Variants in RABGAP1L observed in about 807,000 individuals in gnomAD.
RABGAP1L encodes the protein rab GTPase-activating protein 1-like.
In RABGAP1L, 63 loss-of-function variants were observed where a neutral mutation model predicts 137.7. That is an observed-to-expected ratio of 0.46 (90% CI 0.37 to 0.56). RABGAP1L has a LOEUF of 0.56. RABGAP1L is among the 20% of genes least tolerant of loss of function. The pLI, the probability that RABGAP1L is intolerant of heterozygous loss-of-function variation, is 0.00. For missense variants in RABGAP1L, 1,095 were observed against 1,244.0 expected (o/e 0.88, Z 1.80); for synonymous variants, 431 against 433.7 (o/e 0.99, Z 0.08).
At position 174,438,093 on chromosome 1, in the gene RABGAP1L, C is replaced by T. The variant is rs75176627; in HGVS notation, c.1710+43948C>T. Among the ~76,000 whole-genome samples the T allele has an allele frequency of 8.0e-4, 121 of 152,164 alleles. 1 individual carries two copies. Among genetic ancestry groups the T allele is most frequent in the Middle Eastern group, 3.4e-3 (1 of 294 alleles). On this transcript the variant is annotated intron_variant, in intron 13 of 25. Coordinates refer to ENST00000681986, the MANE Select transcript of RABGAP1L (RefSeq NM_001366446.1). Reference sequence around the variant, plus strand: ...AGCACTAAACATGGAAAGGAACAACCGGTACCAGCCACTGCAAAAACATGC... The same window carrying T: ...AGCACTAAACATGGAAAGGAACAACTGGTACCAGCCACTGCAAAAACATGC...
intron 13 of RABGAP1L, among the ~76,000 whole-genome samples, chr1:174,508,018 A>G (rs1288152587): frequency 6.6e-6 from 1 of 152,148 alleles, no homozygotes; most frequent in Admixed American, 6.6e-5. Context: ...TTGATTTTCA[A>G]AAGAGTCTTA....
At chr1:174,769,024 C>G (rs1477842744) in intron 18 of RABGAP1L, among the ~76,000 whole-genome samples, 1 of 152,082 alleles carries the variant, frequency 6.6e-6, no homozygotes, top group Non-Finnish European at 1.5e-5. Flanking sequence ...ACTACTGTCA[C>G]CACCATTGTC....
At chr1:174,704,970 AGTATTTCATG>A (rs1679942743) in intron 17 of RABGAP1L, among the ~76,000 whole-genome samples, 1 of 152,210 alleles carries the variant, frequency 6.6e-6, no homozygotes, top group African/African-American at 2.4e-5. Context: ...AGCTGAGTTT[AGTATTTCATG>A]GTATTTCATA....
intron 13 of RABGAP1L, among the ~76,000 whole-genome samples, chr1:174,575,180 T>C (rs148694367): frequency 0.079 from 12,011 of 152,238 alleles, 661 homozygotes; most frequent in East Asian, 0.32. Flanking sequence ...TCCACCCACC[T>C]CGGCCTCCCA....
At chr1:174,292,708 G>A (rs544228697) in intron 10 of RABGAP1L, among the ~76,000 whole-genome samples, 4 of 152,032 alleles carry the variant, frequency 2.6e-5, no homozygotes, top group Non-Finnish European at 5.9e-5. Context: ...ACTTGTAAGG[G>A]ATGTGTGCTC....
At chr1:174,705,829 G>A (rs1439792050) in intron 17 of RABGAP1L, 1 of 152,026 alleles carries the variant, frequency 6.6e-6, no homozygotes. Flanking sequence ...TTTCATATGT[G>A]ATGACATATT....
chr1:174,590,494 TC>T (rs1158567024), intron 13 of RABGAP1L, among the ~76,000 whole-genome samples: 3 of 89,070 alleles, frequency 3.4e-5, no homozygotes, highest in African/African-American at 1.8e-4. Context: ...ATGCTATCCC[TC>T]CCCCCTCCCC....
At chr1:174,285,834 A>G (rs959017535) in intron 10 of RABGAP1L, among the ~76,000 whole-genome samples, 9 of 152,158 alleles carry the variant, frequency 5.9e-5, no homozygotes, top group Admixed American at 2.0e-4. Context: ...TTCTGAATCT[A>G]TTGAGAAGAT....
At chr1:174,879,101 T>G (rs1653701154) in intron 19 of RABGAP1L, among the ~76,000 whole-genome samples, 1 of 123,806 alleles carries the variant, frequency 8.1e-6, no homozygotes. Flanking sequence ...CGCCTGGCTG[T>G]TTTTTTTTTT....
intron 1 of RABGAP1L, among the ~76,000 whole-genome samples, chr1:174,195,735 C>CTTTCT (rs770571095): frequency 1.1e-3 from 131 of 115,914 alleles, no homozygotes; most frequent in African/African-American, 4.5e-3. Context: ...TCTTTCTTTT[C>CTTTCT]TTTCTTTCTT....
intron 19 of RABGAP1L, among the ~76,000 whole-genome samples, chr1:174,930,821 A>T (rs569290686): frequency 1.6e-3 from 251 of 152,314 alleles, no homozygotes; most frequent in Non-Finnish European, 2.6e-3. Flanking sequence ...ATATATCTTA[A>T]CACATAAGGA....
At chr1:174,511,039 T>C (rs192080717) in intron 13 of RABGAP1L, among the ~76,000 whole-genome samples, 2 of 152,208 alleles carry the variant, frequency 1.3e-5, no homozygotes, top group African/African-American at 2.4e-5. Flanking sequence ...CTACTAGTTA[T>C]GTTTCTTAAG....
chr1:174,457,583 A>G (rs529361604), intron 13 of RABGAP1L, among the ~76,000 whole-genome samples: 29 of 150,830 alleles, frequency 1.9e-4, no homozygotes, highest in African/African-American at 5.1e-4. Flanking sequence ...GCTCACTGCA[A>G]TGTCCTCCTC....
At chr1:174,405,208 C>CAATAAAACAA (rs1485882956) in intron 13 of RABGAP1L, among the ~76,000 whole-genome samples, 1 of 152,180 alleles carries the variant, frequency 6.6e-6, no homozygotes, top group African/African-American at 2.4e-5. Context: ...GTATCTGCTA[C>CAATAAAACAA]ATCGTTTTTT....
chr1:174,351,895 G>A lies in RABGAP1L; in HGVS notation c.1466-19084G>A, dbSNP rs576741284. ...CGGCTCACTGCAAGCTCCACCTCCC[G>A]GGTTCATGCCATTCTCTTGCCTCAG... On this transcript the variant is annotated intron_variant, in intron 11 of 25. Coordinates refer to ENST00000681986, the MANE Select transcript of RABGAP1L (RefSeq NM_001366446.1). Among the ~76,000 whole-genome samples the A allele has an allele frequency of 2.6e-5, 4 of 152,094 alleles. No individual in the cohort carries two copies. In the South Asian group the frequency reaches 8.3e-4, roughly 32 times the overall value.
Position 174,867,080 on chromosome 1 carries a change from C to T in RABGAP1L, c.2340+55120C>T, listed in dbSNP as rs559091887. Among the ~76,000 whole-genome samples, 6 of 151,530 alleles carry T rather than the reference C, an allele frequency of 4.0e-5. No homozygotes were observed. The East Asian group carries it at 1.2e-3, about 30-fold the overall frequency. ...TCCAGCCTGGGCAACAGAGAGAAAC[C>T]CTGTCTCAAAAATGATAGATAGCCA... On this transcript the variant is annotated intron_variant, in intron 19 of 25. Coordinates refer to ENST00000681986, the MANE Select transcript of RABGAP1L (RefSeq NM_001366446.1).
intron 13 of RABGAP1L, among the ~76,000 whole-genome samples, chr1:174,491,293 T>A (rs924069463): frequency 6.6e-6 from 1 of 151,924 alleles, no homozygotes; most frequent in Admixed American, 6.6e-5. Context: ...GGTGATGGGA[T>A]CTGCCATGAC....
intron 19 of RABGAP1L, among the ~76,000 whole-genome samples, chr1:174,908,845 C>T (rs1436181750): frequency 6.0e-5 from 9 of 149,878 alleles, no homozygotes; most frequent in East Asian, 4.1e-4. Context: ...CGCCTGGCCA[C>T]GAGATATTCT....
At chr1:174,597,722 A>G (rs1055997375) in intron 13 of RABGAP1L, among the ~76,000 whole-genome samples, 2 of 151,676 alleles carry the variant, frequency 1.3e-5, no homozygotes, top group African/African-American at 4.8e-5. Context: ...TCTCTTTCCA[A>G]TTTCATTTAT....
Sources: gnomAD v4.1 joint callset for allele counts (sites outside exome capture counted in the v4.1 genomes callset) on GRCh38, gnomAD v4.1.1 for gene constraint, MANE v1.5 for transcripts, NCBI Gene and HGNC (gene_info 2026-07-23, HGNC 2026-07-21) for gene names.